Variants in GPC5 observed in about 807,000 individuals in gnomAD.
The protein encoded by GPC5 is glypican-5.
GPC5 carries 47 observed loss-of-function variants against 53.9 expected under a neutral mutation model. The ratio of observed to expected loss-of-function variants is 0.87; its 90% CI spans 0.69 to 1.11. The LOEUF is 1.11. Ranked by LOEUF, GPC5 falls within the 50% of genes most tolerant of loss-of-function variation. The pLI is 0.00. For synonymous variants in GPC5, 286 were observed against 263.3 expected (o/e 1.09, Z -0.84); for missense variants, 748 against 713.1 (o/e 1.05, Z -0.56).
intron 7 of GPC5, among the ~76,000 whole-genome samples, chr13:92,829,598 A>C (rs926295578): frequency 7.2e-5 from 11 of 152,142 alleles, no homozygotes; most frequent in Non-Finnish European, 1.3e-4. Context: ...CTCAGTGGAG[A>C]CATTTTAATC....
At chr13:91,679,670 A>G (rs2139723018) in intron 2 of GPC5, among the ~76,000 whole-genome samples, 1 of 152,318 alleles carries the variant, frequency 6.6e-6, no homozygotes, top group Admixed American at 6.5e-5. Context: ...CTGTACTTTT[A>G]ATAGTAATCA....
Position 91,693,280 on chromosome 13 carries a change from C to T in GPC5, c.419C>T (p.Ser140Leu), listed in dbSNP as rs770774021. The T allele has an allele frequency of 2.0e-5, 32 of 1,613,918 alleles. 1 individual carries two copies. The highest frequency in any genetic ancestry group is 3.3e-4 in the Middle Eastern group (2 of 6,082). ...YRNMALEAAA[S>L]VQEFFTDVGL... Reference sequence around the variant, plus strand: ...AACATGGCCTTGGAGGCTGCTGCTTCGGTTCAGGAGTTCTTCACTGATGTG... The same window carrying T: ...AACATGGCCTTGGAGGCTGCTGCTTTGGTTCAGGAGTTCTTCACTGATGTG... The change falls in exon 3 of 8, where the codon TCG becomes TTG. Residue 140 changes from serine (S) to leucine (L), a missense_variant. By Grantham distance (145) the Ser-to-Leu change is moderately radical. Coordinates refer to ENST00000377067, the MANE Select transcript of GPC5 (RefSeq NM_004466.6).
In GPC5 at chr13:92,385,506, A is replaced by ATACATATACG. The variant is rs1482818987; in HGVS notation, c.1561+240517_1561+240518insTACATATACG. Among the ~76,000 whole-genome samples the ATACATATACG allele has an allele frequency of 3.0e-4, 40 of 133,120 alleles. 3 individuals are homozygous for ATACATATACG. Among genetic ancestry groups the ATACATATACG allele is most frequent in the South Asian group, 1.2e-3 (5 of 4,344 alleles). 87.3% of individuals were successfully genotyped at this position (133,120 alleles called of 152,430 possible). ...TATATACACATATATACATACATAT[A>ATACATATACG]CATATATACATACATATGCATATAT... is the stretch of plus-strand genomic sequence containing the variant. On this transcript the variant is annotated intron_variant, in intron 7 of 7. Coordinates refer to ENST00000377067, the MANE Select transcript of GPC5 (RefSeq NM_004466.6).
At chr13:91,410,920 C>T (rs1877719399) in intron 1 of GPC5, among the ~76,000 whole-genome samples, 1 of 151,968 alleles carries the variant, frequency 6.6e-6, no homozygotes, top group African/African-American at 2.4e-5. Flanking sequence ...ACCATCCTGG[C>T]CAACATGGTG....
intron 7 of GPC5, among the ~76,000 whole-genome samples, chr13:92,542,027 T>C (rs1222677198): frequency 2.6e-5 from 4 of 152,028 alleles, no homozygotes; most frequent in East Asian, 3.9e-4. Flanking sequence ...TTTTGTTTTA[T>C]AATAAATTTC....
chr13:91,927,096 C>T (rs2039776637), intron 6 of GPC5, among the ~76,000 whole-genome samples: 1 of 152,062 alleles, frequency 6.6e-6, no homozygotes, highest in Admixed American at 6.6e-5. Flanking sequence ...AGTGATTTCT[C>T]AGTCAGTTAT....
chr13:92,404,322 C>T (rs1447825598), intron 7 of GPC5, among the ~76,000 whole-genome samples: 1 of 152,070 alleles, frequency 6.6e-6, no homozygotes, highest in East Asian at 1.9e-4. Flanking sequence ...GTCATGTTGA[C>T]GTCTGTGTCA....
chr13:92,404,365 T>A (rs1227554857), intron 7 of GPC5, among the ~76,000 whole-genome samples: 2 of 152,126 alleles, frequency 1.3e-5, no homozygotes, highest in Non-Finnish European at 2.9e-5. Flanking sequence ...AGCACAGAAA[T>A]GCTCAATAAA....
chr13:92,674,521 A>C (rs1303344350), intron 7 of GPC5, among the ~76,000 whole-genome samples: 5 of 151,716 alleles, frequency 3.3e-5, no homozygotes, highest in Non-Finnish European at 4.4e-5. Flanking sequence ...GAAATCAAAA[A>C]TCCATGAATT....
intron 5 of GPC5, among the ~76,000 whole-genome samples, chr13:91,807,015 T>C (rs1374190155): frequency 6.6e-6 from 1 of 152,178 alleles, no homozygotes; most frequent in African/African-American, 2.4e-5. Context: ...AAGAGAAGTG[T>C]GCCTTTTGCA....
intron 7 of GPC5, among the ~76,000 whole-genome samples, chr13:92,196,905 G>A (rs2042260472): frequency 6.6e-6 from 1 of 152,152 alleles, no homozygotes. Flanking sequence ...ATTTTATCCT[G>A]AATGACATGC....
At chr13:91,586,528 A>C (rs866050548) in intron 2 of GPC5, among the ~76,000 whole-genome samples, 1 of 34,398 alleles carries the variant, frequency 2.9e-5, no homozygotes, top group South Asian at 8.1e-4. Context: ...ATATATATAT[A>C]TATATATATA....
chr13:91,940,600 G>C lies in GPC5; in HGVS notation c.1401+32543G>C, dbSNP rs145631268. On this transcript the variant is annotated intron_variant, in intron 6 of 7. Coordinates refer to ENST00000377067, the MANE Select transcript of GPC5 (RefSeq NM_004466.6). ...TTTCTACAGTGACTGAACTAATTTA[G>C]ATTCCCACTAGCAGTGTATAAGCAT... Among the ~76,000 whole-genome samples the C allele has an allele frequency of 5.4e-3, 817 of 152,156 alleles. 15 individuals carry two copies. The highest frequency in any genetic ancestry group is 0.019 in the African/African-American group (787 of 41,534).
chr13:91,899,872 A>G (rs2039480237), intron 5 of GPC5, among the ~76,000 whole-genome samples: 1 of 152,196 alleles, frequency 6.6e-6, no homozygotes, highest in Admixed American at 6.6e-5. Flanking sequence ...TCAGAGGTCC[A>G]GGCTTCAGAA....
At chr13:91,422,720 C>T (rs1405736493) in intron 1 of GPC5, among the ~76,000 whole-genome samples, 1 of 152,092 alleles carries the variant, frequency 6.6e-6, no homozygotes, top group Non-Finnish European at 1.5e-5. Flanking sequence ...GAGGGCCTTC[C>T]TGCTGGTGGG....
chr13:92,174,405 G>A (rs1361376374), intron 7 of GPC5, among the ~76,000 whole-genome samples: 4 of 151,486 alleles, frequency 2.6e-5, no homozygotes, highest in Middle Eastern at 3.4e-3. Flanking sequence ...TGTGGTGGCG[G>A]GCATCTGTAT....
chr13:92,103,676 T>A (rs576641221), intron 6 of GPC5, among the ~76,000 whole-genome samples: 1 of 152,328 alleles, frequency 6.6e-6, no homozygotes, highest in South Asian at 2.1e-4. Flanking sequence ...ACAAGAATCC[T>A]TAAAGGCCCT....
At chr13:92,469,873 A>G (rs1594229003) in intron 7 of GPC5, among the ~76,000 whole-genome samples, 1 of 152,256 alleles carries the variant, frequency 6.6e-6, no homozygotes, top group Admixed American at 6.5e-5. Context: ...ACAATGAGGT[A>G]CATGTGTAAA....
intron 2 of GPC5, among the ~76,000 whole-genome samples, chr13:91,682,419 T>C (rs953788812): frequency 6.6e-6 from 1 of 152,238 alleles, no homozygotes; most frequent in Non-Finnish European, 1.5e-5. Context: ...TACAAATTCA[T>C]TTAATTCTCA....
Sources: gnomAD v4.1 joint callset for allele counts (sites outside exome capture counted in the v4.1 genomes callset) on GRCh38, gnomAD v4.1.1 for gene constraint, MANE v1.5 for transcripts, NCBI Gene and HGNC (gene_info 2026-07-23, HGNC 2026-07-21) for gene names.